The following GPC5 variants were observed in gnomAD, a reference collection of about 807,000 sequenced individuals.
GPC5 encodes the protein glypican 5, also known as glypican-5.
Under a neutral mutation model 53.9 loss-of-function variants are expected in GPC5, and 47 were observed. The observed-to-expected ratio is 0.87, with a 90% CI of 0.69 to 1.11. GPC5 has a LOEUF of 1.11. Ranked by LOEUF, GPC5 falls within the 50% of genes most tolerant of loss-of-function variation. The pLI is 0.00. For missense variants in GPC5, 748 were observed against 713.1 expected (o/e 1.05, Z -0.56); for synonymous variants, 286 against 263.3 (o/e 1.09, Z -0.84).
chr13:92,791,743 T>C (rs1247432942), intron 7 of GPC5, among the ~76,000 whole-genome samples: 1 of 152,118 alleles, frequency 6.6e-6, no homozygotes, highest in Non-Finnish European at 1.5e-5. Context: ...AACAGCTTTA[T>C]AGAGATATAA....
chr13:92,374,521 C>A lies in GPC5; in HGVS notation c.1561+229532C>A, dbSNP rs143555569. On this transcript the variant is annotated intron_variant, in intron 7 of 7. Coordinates refer to ENST00000377067, the MANE Select transcript of GPC5 (RefSeq NM_004466.6). ...AAGTACACCATGGAATACTATGCAG[C>A]CATAAAAAATGATGAGTTCATGTCC... Among the ~76,000 whole-genome samples the A allele has an allele frequency of 1.9e-3, 286 of 152,004 alleles. 2 individuals carry two copies. The highest frequency in any genetic ancestry group is 6.6e-3 in the African/African-American group (275 of 41,474).
chr13:92,347,093 G>C (rs1203752672), intron 7 of GPC5, among the ~76,000 whole-genome samples: 1 of 152,076 alleles, frequency 6.6e-6, no homozygotes, highest in Admixed American at 6.6e-5. Context: ...TGCAGAAGGT[G>C]AATAAAGAGA....
intron 2 of GPC5, among the ~76,000 whole-genome samples, chr13:91,505,260 A>G (rs1336231921): frequency 6.6e-6 from 1 of 152,244 alleles, no homozygotes; most frequent in Non-Finnish European, 1.5e-5. Flanking sequence ...TTAAAATAGT[A>G]TAGCACAGGA....
At chr13:92,136,355 ATATC>A (rs1303975615) in intron 6 of GPC5, among the ~76,000 whole-genome samples, 1 of 151,740 alleles carries the variant, frequency 6.6e-6, no homozygotes, top group Non-Finnish European at 1.5e-5. Flanking sequence ...TTGCATGTAT[ATATC>A]CATAATTTTT....
chr13:91,497,111 T>C (rs1006084528), intron 2 of GPC5, among the ~76,000 whole-genome samples: 1 of 152,176 alleles, frequency 6.6e-6, no homozygotes, highest in Non-Finnish European at 1.5e-5. Flanking sequence ...TAATGGCCTT[T>C]TATGGAACAA....
chr13:92,322,068 T>A (rs986140157), intron 7 of GPC5, among the ~76,000 whole-genome samples: 1 of 152,138 alleles, frequency 6.6e-6, no homozygotes, highest in African/African-American at 2.4e-5. Flanking sequence ...AGAAAATTAA[T>A]ATATATAAAC....
intron 7 of GPC5, among the ~76,000 whole-genome samples, chr13:92,257,700 A>G (rs1368257279): frequency 6.6e-6 from 1 of 151,450 alleles, no homozygotes; most frequent in South Asian, 2.1e-4. Flanking sequence ...ACAGGTGGGC[A>G]CCACCACACC....
chr13:92,704,434 T>G (rs1212246793), intron 7 of GPC5, among the ~76,000 whole-genome samples: 2 of 152,040 alleles, frequency 1.3e-5, no homozygotes, highest in African/African-American at 4.8e-5. Flanking sequence ...TTATGTTTAT[T>G]AAAAGCCTAT....
chr13:92,772,055 A>T (rs1875636395), intron 7 of GPC5, among the ~76,000 whole-genome samples: 1 of 152,152 alleles, frequency 6.6e-6, no homozygotes, highest in Admixed American at 6.6e-5. Context: ...TTAATCCAAC[A>T]GAAAATCCTG....
intron 6 of GPC5, among the ~76,000 whole-genome samples, chr13:92,083,647 C>T (rs1307216829): frequency 6.6e-6 from 1 of 152,112 alleles, no homozygotes; most frequent in Non-Finnish European, 1.5e-5. Flanking sequence ...GGTATTTTTA[C>T]ATCATGTTTC....
intron 7 of GPC5, among the ~76,000 whole-genome samples, chr13:92,724,477 G>C (rs1036590052): frequency 1.3e-5 from 2 of 151,474 alleles, no homozygotes; most frequent in Non-Finnish European, 3.0e-5. Context: ...TCTATCAACA[G>C]ATAAATGAAT....
intron 2 of GPC5, among the ~76,000 whole-genome samples, chr13:91,581,141 G>A (rs1337336792): frequency 1.3e-5 from 2 of 152,168 alleles, no homozygotes; most frequent in African/African-American, 4.8e-5. Flanking sequence ...CATGGGGATT[G>A]TGGGAACTAG....
chr13:91,579,731 A>G (rs1325918671), intron 2 of GPC5, among the ~76,000 whole-genome samples: 1 of 148,264 alleles, frequency 6.7e-6, no homozygotes, highest in African/African-American at 2.5e-5. Flanking sequence ...TGGGTTCAAG[A>G]AATTCTCCTG....
intron 7 of GPC5, among the ~76,000 whole-genome samples, chr13:92,509,283 CT>C (rs1880481215): frequency 6.6e-6 from 1 of 152,038 alleles, no homozygotes; most frequent in South Asian, 2.1e-4. Flanking sequence ...AGGGGAATTC[CT>C]TTCTTCCCAT....
At chr13:91,928,949 T>C (rs1390009077) in intron 6 of GPC5, among the ~76,000 whole-genome samples, 2 of 152,210 alleles carry the variant, frequency 1.3e-5, no homozygotes, top group East Asian at 3.9e-4. Context: ...ATTTCACAGA[T>C]TGTTTCTCAT....
intron 3 of GPC5, among the ~76,000 whole-genome samples, chr13:91,716,835 G>T (rs1006900647): frequency 2.0e-5 from 3 of 152,164 alleles, no homozygotes; most frequent in African/African-American, 7.2e-5. Context: ...CATTTAAATC[G>T]TCTCCTGCAT....
chr13:91,580,137 G>A (rs1338372801), intron 2 of GPC5, among the ~76,000 whole-genome samples: 3 of 152,096 alleles, frequency 2.0e-5, no homozygotes, highest in Non-Finnish European at 4.4e-5. Flanking sequence ...TGCAAGCTCC[G>A]CCTCCCAGGT....
chr13:91,534,894 G>A (rs534103697), intron 2 of GPC5, among the ~76,000 whole-genome samples: 41 of 152,156 alleles, frequency 2.7e-4, no homozygotes, highest in South Asian at 1.7e-3. Context: ...TCTGATCCCC[G>A]TTCTTCTTCA....
intron 6 of GPC5, among the ~76,000 whole-genome samples, chr13:92,122,934 A>C (rs957152788): frequency 6.6e-6 from 1 of 151,980 alleles, no homozygotes; most frequent in Non-Finnish European, 1.5e-5. Context: ...TTTCACACTA[A>C]ACATACAAAG....
Sources: gnomAD v4.1 joint callset for allele counts (sites outside exome capture counted in the v4.1 genomes callset) on GRCh38, gnomAD v4.1.1 for gene constraint, MANE v1.5 for transcripts, NCBI Gene and HGNC (gene_info 2026-07-23, HGNC 2026-07-21) for gene names.